Variants in MED12L observed in about 807,000 individuals in gnomAD.
MED12L encodes the protein mediator complex subunit 12L.
MED12L carries 60 observed loss-of-function variants against 281.3 expected under a neutral mutation model. The observed-to-expected ratio is 0.21, with a 90% confidence interval of 0.17 to 0.26. MED12L has a LOEUF of 0.26. Among genes scored for constraint, MED12L ranks in the 10% least tolerant of loss-of-function variants. MED12L has a pLI of 1.00. For synonymous variants in MED12L, 974 were observed against 987.2 expected (o/e 0.99, Z 0.25); for missense variants, 2,146 against 2,680.9 (o/e 0.80, Z 4.41).
intron 2 of MED12L, among the ~76,000 whole-genome samples, chr3:151,089,808 C>G (rs914526476): frequency 1.3e-5 from 2 of 152,122 alleles, no homozygotes; most frequent in African/African-American, 4.8e-5. Context: ...TTGCTTCCTA[C>G]AAACAGACTG....
intron 38 of MED12L, among the ~76,000 whole-genome samples, chr3:151,394,059 C>G (rs1483151323): frequency 6.6e-6 from 1 of 152,070 alleles, no homozygotes; most frequent in Non-Finnish European, 1.5e-5. Context: ...GTTTCTTAAG[C>G]ATCGGTATAA....
At chr3:151,266,046 C>T (rs1204542437) in intron 16 of MED12L, among the ~76,000 whole-genome samples, 2 of 152,198 alleles carry the variant, frequency 1.3e-5, no homozygotes, top group African/African-American at 4.8e-5. Context: ...GACTTAGATT[C>T]GACTTGGCAG....
At chr3:151,338,417 A>C in intron 16 of MED12L, 1 of 1,614,086 alleles carries the variant, frequency 6.2e-7, no homozygotes, top group South Asian at 1.1e-5. Flanking sequence ...CAACAGAGAG[A>C]ATCTTAGCCC....
chr3:151,166,858 G>T (rs1028103664), intron 11 of MED12L, among the ~76,000 whole-genome samples: 2 of 151,990 alleles, frequency 1.3e-5, no homozygotes, highest in Non-Finnish European at 2.9e-5. Context: ...TGTATTTTTA[G>T]TAGAGATGGG....
intron 43 of MED12L, 67 bp from the exon 44 acceptor site, chr3:151,430,232 G>C: frequency 4.4e-6 from 7 of 1,603,682 alleles, no homozygotes; most frequent in Non-Finnish European, 6.0e-6. Context: ...CTGCGAGTTA[G>C]TCTCTGTTCT....
intron 16 of MED12L, among the ~76,000 whole-genome samples, chr3:151,257,298 T>C (rs1737997106): frequency 6.6e-6 from 1 of 152,256 alleles, no homozygotes; most frequent in Non-Finnish European, 1.5e-5. Context: ...ACCTTTCCAC[T>C]GCGTATTAAT....
At chr3:151,241,136 T>C (rs1224168385) in intron 16 of MED12L, among the ~76,000 whole-genome samples, 1 of 152,182 alleles carries the variant, frequency 6.6e-6, no homozygotes, top group Non-Finnish European at 1.5e-5. Flanking sequence ...CACATAAAAA[T>C]TATGTAAAAT....
intron 2 of MED12L, among the ~76,000 whole-genome samples, chr3:151,100,529 G>A (rs1041046416): frequency 5.9e-5 from 9 of 152,236 alleles, no homozygotes; most frequent in Admixed American, 6.5e-5. Context: ...TATCAAAACT[G>A]TGGCTGAGGC....
intron 6 of MED12L, 120 bp downstream of exon 6, chr3:151,156,450 G>A: frequency 1.1e-6 from 1 of 933,918 alleles, no homozygotes; most frequent in South Asian, 2.0e-5. Context: ...TTCAAAGAAA[G>A]CAGTCTGACA....
Position 151,367,654 on chromosome 3 carries a change from C to T in MED12L, c.3336C>T (p.Asp1112=), listed in dbSNP as rs751026573. The stretch of plus-strand genomic sequence containing the variant: ...CAATGTTTTTCTTGAAGGTGAGTGA[C>T]CTTTCATTCCATGATTCATTAGCTA... The part of the protein sequence containing the change: ...NDVLCTVDVS[D]LSFHDSLATF... The change falls in exon 24 of 45, where the codon GAC becomes GAT. Residue 1112 remains aspartate, a synonymous_variant. Transcript: ENST00000687756. 8.1e-6 allele frequency: 13 copies of T among 1,603,308 alleles called. No individual in the cohort carries two copies. Among genetic ancestry groups the T allele is most frequent in the Non-Finnish European group, 1.1e-5 (13 of 1,173,466 alleles).
At chr3:151,368,319 A>G (rs986092077) in intron 25 of MED12L, 68 bp downstream of exon 25, 7 of 1,358,938 alleles carry the variant, frequency 5.2e-6, no homozygotes, top group Admixed American at 1.8e-5. Context: ...ATGACCAAAT[A>G]GGCTGTCCCT....
Position 151,202,533 on chromosome 3 carries a change from G to C in MED12L, c.2250+8867G>C, listed in dbSNP as rs537903711. ...TAAAAATACAAAAATTAGCCAACGC[G>C]GTGGCGGGCACCTGTAATCCCAGCT... On this transcript the variant is annotated intron_variant, in intron 16 of 44. Coordinates refer to ENST00000687756, the MANE Select transcript of MED12L (RefSeq NM_001393769.1). 3.9e-5 allele frequency among the ~76,000 whole-genome samples: 6 copies of C among 152,222 alleles called. No individual in the cohort carries two copies. The South Asian group carries it at 1.2e-3, about 32-fold the overall frequency.
intron 16 of MED12L, among the ~76,000 whole-genome samples, chr3:151,313,422 TTGAC>T (rs1363106008): frequency 2.6e-5 from 4 of 152,136 alleles, no homozygotes; most frequent in Admixed American, 2.0e-4. Flanking sequence ...TACAGCGTGG[TTGAC>T]TGTGGGCAGT....
At chr3:151,380,633 A>G (rs1253121775) in intron 32 of MED12L, among the ~76,000 whole-genome samples, 1 of 152,116 alleles carries the variant, frequency 6.6e-6, no homozygotes, top group Non-Finnish European at 1.5e-5. Flanking sequence ...TAAGGTTACA[A>G]AATGTTTTGA....
intron 16 of MED12L, among the ~76,000 whole-genome samples, chr3:151,349,530 C>A (rs1420029276): frequency 6.6e-6 from 1 of 152,178 alleles, no homozygotes; most frequent in Non-Finnish European, 1.5e-5. Context: ...GAGATCCTCC[C>A]ACCTTGGCCT....
At chr3:151,125,929 G>A (rs1440043883) in intron 4 of MED12L, among the ~76,000 whole-genome samples, 1 of 152,124 alleles carries the variant, frequency 6.6e-6, no homozygotes, top group Non-Finnish European at 1.5e-5. Context: ...GTTGTGTGCA[G>A]TGTAATCGCC....
chr3:151,328,648 G>A (rs1342996581), intron 16 of MED12L: 1 of 1,613,894 alleles, frequency 6.2e-7, no homozygotes, highest in Admixed American at 1.7e-5. Flanking sequence ...CAAAGGCTAT[G>A]AGCCCTAACA....
intron 16 of MED12L, among the ~76,000 whole-genome samples, chr3:151,311,901 T>A (rs1348779819): frequency 6.6e-6 from 1 of 152,128 alleles, no homozygotes; most frequent in Non-Finnish European, 1.5e-5. Flanking sequence ...GGCAGGCACT[T>A]GTATTTCCAG....
chr3:151,402,112 T>G (rs1715758122), intron 39 of MED12L, among the ~76,000 whole-genome samples: 1 of 152,156 alleles, frequency 6.6e-6, no homozygotes, highest in South Asian at 2.1e-4. Flanking sequence ...AGAATAGGTA[T>G]TATTTGCCTG....
Sources: gnomAD v4.1 joint callset for allele counts (sites outside exome capture counted in the v4.1 genomes callset) on GRCh38, gnomAD v4.1.1 for gene constraint, MANE v1.5 for transcripts, NCBI Gene and HGNC (gene_info 2026-07-23, HGNC 2026-07-21) for gene names.